Variants in VTI1A observed in about 807,000 individuals in gnomAD.
VTI1A encodes vesicle transport through interaction with t-SNAREs 1A.
A neutral mutation model predicts 34.9 loss-of-function variants in VTI1A; 22 were observed. The ratio of observed to expected loss-of-function variants is 0.63; its 90% CI spans 0.45 to 0.90. The LOEUF is 0.90. VTI1A is among the 40% of genes least tolerant of loss of function. VTI1A has a pLI of 0.00. For synonymous variants in VTI1A, 87 were observed against 97.3 expected (o/e 0.89, Z 0.62); for missense variants, 268 against 275.6 (o/e 0.97, Z 0.20).
intron 1 of VTI1A, among the ~76,000 whole-genome samples, chr10:112,453,594 G>A (rs573033655): frequency 9.2e-5 from 14 of 151,916 alleles, no homozygotes; most frequent in Non-Finnish European, 1.5e-4. Flanking sequence ...TTGTTTTAGC[G>A]TTGACCATTG....
chr10:112,461,880 A>AATTT (rs1847739089), intron 2 of VTI1A, among the ~76,000 whole-genome samples: 1 of 152,132 alleles, frequency 6.6e-6, no homozygotes, highest in African/African-American at 2.4e-5. Flanking sequence ...ACACTTGGCT[A>AATTT]CTTTGTTTGT....
intron 7 of VTI1A, among the ~76,000 whole-genome samples, chr10:112,730,255 C>T (rs77060493): frequency 3.3e-5 from 5 of 152,296 alleles, no homozygotes; most frequent in Admixed American, 6.5e-5. Context: ...ACCCTCCTTC[C>T]TCTGCATTCT....
intron 4 of VTI1A, chr10:112,533,549 A>T: frequency 9.9e-7 from 1 of 1,011,420 alleles, no homozygotes; most frequent in Non-Finnish European, 1.2e-6. Context: ...TTACGTGAAG[A>T]GGTGAGTACT....
chr10:112,553,207 T>G (rs1250279453), intron 5 of VTI1A, among the ~76,000 whole-genome samples: 1 of 152,224 alleles, frequency 6.6e-6, no homozygotes, highest in Non-Finnish European at 1.5e-5. Context: ...GTCACCTCTC[T>G]TTCACCTGCA....
intron 7 of VTI1A, among the ~76,000 whole-genome samples, chr10:112,779,658 T>G (rs1481919612): frequency 6.6e-6 from 1 of 152,232 alleles, no homozygotes; most frequent in African/African-American, 2.4e-5. Context: ...GGTACAAAGT[T>G]TCTTTGGCAG....
chr10:112,558,433 T>A (rs558340696), intron 5 of VTI1A, among the ~76,000 whole-genome samples: 1 of 152,346 alleles, frequency 6.6e-6, no homozygotes, highest in South Asian at 2.1e-4. Context: ...GCTTATTGAT[T>A]CAGTGTGCAT....
intron 7 of VTI1A, among the ~76,000 whole-genome samples, chr10:112,739,800 G>A (rs1311339056): frequency 6.6e-6 from 1 of 152,234 alleles, no homozygotes; most frequent in Non-Finnish European, 1.5e-5. Flanking sequence ...TGTGTGTGGA[G>A]TTAACTGTGG....
At chr10:112,533,912 A>AT (rs537496332) in intron 4 of VTI1A, among the ~76,000 whole-genome samples, 178 of 150,484 alleles carry the variant, frequency 1.2e-3, no homozygotes, top group Non-Finnish European at 1.6e-3. Flanking sequence ...AGCTAGTATG[A>AT]TTTTTTTTTT....
chr10:112,829,182 C>T, the VTI1A span, among the ~76,000 whole-genome samples: 3 of 152,106 alleles, frequency 2.0e-5, no homozygotes, highest in Non-Finnish European at 2.9e-5. Context: ...AGGTGGCTCA[C>T]GCCTGTAATC....
chr10:112,498,102 C>G (rs1334860004), intron 3 of VTI1A, among the ~76,000 whole-genome samples: 1 of 152,040 alleles, frequency 6.6e-6, no homozygotes, highest in African/African-American at 2.4e-5. Flanking sequence ...TGGATTATGT[C>G]CTACATATAA....
At chr10:112,624,914 T>G (rs1334551947) in intron 5 of VTI1A, among the ~76,000 whole-genome samples, 1 of 151,966 alleles carries the variant, frequency 6.6e-6, no homozygotes, top group African/African-American at 2.4e-5. Flanking sequence ...CTGAGCAACA[T>G]AGTGAGACCC....
chr10:112,605,167 C>T (rs550309276), intron 5 of VTI1A, among the ~76,000 whole-genome samples: 1 of 152,144 alleles, frequency 6.6e-6, no homozygotes, highest in Non-Finnish European at 1.5e-5. Flanking sequence ...AGGTTTTGCC[C>T]CTTCCAGGCG....
intron 7 of VTI1A, among the ~76,000 whole-genome samples, chr10:112,804,718 G>GAACA (rs1853004512): frequency 6.6e-6 from 1 of 152,114 alleles, no homozygotes; most frequent in Admixed American, 6.5e-5. Flanking sequence ...TTCCCATAGG[G>GAACA]CAGGGACTCT....
intron 5 of VTI1A, among the ~76,000 whole-genome samples, chr10:112,610,144 G>A (rs1043793273): frequency 6.6e-6 from 1 of 150,668 alleles, no homozygotes; most frequent in African/African-American, 2.4e-5. Flanking sequence ...AGTGTTCAGG[G>A]GGAATCATAA....
chr10:112,662,096 T>C (rs1847483534), intron 5 of VTI1A, among the ~76,000 whole-genome samples: 2 of 152,350 alleles, frequency 1.3e-5, no homozygotes, highest in South Asian at 4.1e-4. Flanking sequence ...ATCTTTAGTT[T>C]TCAGAAATTG....
the VTI1A span, among the ~76,000 whole-genome samples, chr10:112,845,760 G>A: frequency 6.6e-6 from 1 of 152,242 alleles, no homozygotes; most frequent in Non-Finnish European, 1.5e-5. Context: ...GCTCACGCCT[G>A]TAATCCCAGC....
chr10:112,710,448 C>G (rs1308470010), intron 7 of VTI1A, among the ~76,000 whole-genome samples: 1 of 152,134 alleles, frequency 6.6e-6, no homozygotes, highest in Non-Finnish European at 1.5e-5. Context: ...CTCAAGTGAT[C>G]CGCCCACCTT....
At chr10:112,829,464 T>C in the VTI1A span, among the ~76,000 whole-genome samples, 1 of 143,848 alleles carries the variant, frequency 7.0e-6, no homozygotes, top group Non-Finnish European at 1.5e-5. Context: ...AAAAATCTAT[T>C]GATTGGCTGG....
At chr10:112,558,038 C>T (rs1021709173) in intron 5 of VTI1A, among the ~76,000 whole-genome samples, 11 of 152,178 alleles carry the variant, frequency 7.2e-5, no homozygotes, top group African/African-American at 2.4e-4. Flanking sequence ...TACGCATGCA[C>T]GTGTGTCTGT....
Sources: gnomAD v4.1 joint callset for allele counts (sites outside exome capture counted in the v4.1 genomes callset) on GRCh38, gnomAD v4.1.1 for gene constraint, MANE v1.5 for transcripts, NCBI Gene and HGNC (gene_info 2026-07-23, HGNC 2026-07-21) for gene names.